The following METTL25B variants were observed in gnomAD, a reference collection of about 807,000 sequenced individuals.
METTL25B encodes methyltransferase-like protein 25B.
METTL25B carries 38 observed loss-of-function variants against 48.4 expected under a neutral mutation model. The observed-to-expected ratio is 0.78, with a 90% confidence interval of 0.61 to 1.03. The LOEUF (loss-of-function observed/expected upper bound fraction) is 1.03, where lower values mean the gene tolerates loss of function less well. Ranked by LOEUF, METTL25B falls within the 50% of genes least tolerant of loss-of-function variation. The pLI is 0.00. For missense variants in METTL25B, 537 were observed against 603.7 expected (o/e 0.89, Z 1.16); for synonymous variants, 230 against 254.5 (o/e 0.90, Z 0.92).
chr1:156,736,332 C>T, intron 7 of METTL25B: 1 of 309,710 alleles, frequency 3.2e-6, no homozygotes, highest in Admixed American at 4.6e-5. Context: ...TGCACTCCAG[C>T]CTGGGCAACA....
intron 2 of METTL25B, 43 bp from the exon 3 acceptor site, chr1:156,732,238 G>A (rs1041980219): frequency 3.1e-6 from 5 of 1,610,760 alleles, no homozygotes; most frequent in Non-Finnish European, 4.2e-6. Context: ...GCACTCAGAT[G>A]TGATGGGACT....
Position 156,729,073 on chromosome 1 carries a change from C to A in METTL25B, c.-32C>A. 1 of 1,373,774 alleles carries A rather than the reference C, an allele frequency of 7.3e-7. No homozygotes were observed. Among genetic ancestry groups the A allele is most frequent in the Non-Finnish European group, 1.0e-6 (1 of 976,346 alleles). 85.1% of individuals were successfully genotyped at this position (1,373,774 alleles called of 1,614,324 possible). ...ACCCTGGATCCCTGTTCACTGCGTT[C>A]TCGCTCCCCGCGCTCCCTGCTGGAC... On this transcript the variant is annotated 5_prime_UTR_variant, in exon 1 of 8. Transcript: ENST00000368216.
intron 6 of METTL25B, 82 bp from the exon 7 acceptor site, chr1:156,735,643 T>C (rs751262957): frequency 6.1e-6 from 7 of 1,148,280 alleles, no homozygotes; most frequent in Non-Finnish European, 6.8e-6. Flanking sequence ...AAGTTGGAAC[T>C]GAATTAGGAA....
rs745483555 is a variant in METTL25B, at chr1:156,732,444, A to C, written c.400A>C (p.Lys134Gln). 6.2e-7 allele frequency: 1 copy of C among 1,614,070 alleles called. No individual in the cohort carries two copies. The highest frequency in any genetic ancestry group is 8.5e-7 in the Non-Finnish European group (1 of 1,180,028). The change falls in exon 3 of 8, where the codon AAG (lysine) becomes CAG (glutamine). Residue 134 changes from lysine (K) to glutamine (Q), a missense_variant. Lys to Gln is a moderately conservative substitution (Grantham distance 53). Transcript: ENST00000368216. ...ATTCCGGAAACATGTCAGGCCCAAG[A>C]AGCAGCATGAGATCCGGAGGCTGGG... is the stretch of plus-strand genomic sequence containing the variant. ...APFRKHVRPK[K>Q]QHEIRRLGEL...
rs1286377226 is a variant in METTL25B, at chr1:156,728,886, C to T, written c.-219C>T. The T allele has an allele frequency of 6.4e-6, 4 of 625,522 alleles. No individual in the cohort carries two copies. The highest frequency in any genetic ancestry group is 1.0e-5 in the Non-Finnish European group (4 of 400,844). 38.7% of individuals were successfully genotyped at this position (625,522 alleles called of 1,614,324 possible). ...TACGTGTCTCTGACGCTGACACCTT[C>T]TCACTGTGAAACGTCGCGACCTGTG... On this transcript the variant is annotated 5_prime_UTR_variant, in exon 1 of 8. Coordinates refer to ENST00000368216, the MANE Select transcript of METTL25B (RefSeq NM_015997.4).
intron 1 of METTL25B, among the ~76,000 whole-genome samples, chr1:156,731,686 C>T (rs1407092240): frequency 6.6e-6 from 1 of 152,204 alleles, no homozygotes; most frequent in African/African-American, 2.4e-5. Context: ...CCATCCCTCC[C>T]CTTAAGAAAT....
At chr1:156,732,243 G>T (rs1372855682) in intron 2 of METTL25B, 38 bp from the exon 3 acceptor site, 2 of 1,610,928 alleles carry the variant, frequency 1.2e-6, no homozygotes, top group African/African-American at 1.3e-5. Flanking sequence ...CAGATGTGAT[G>T]GGACTATTCA....
rs1649731223 is a variant in METTL25B, at chr1:156,735,775, T to A, written c.1172T>A (p.Leu391Gln). 6.2e-7 allele frequency: 1 copy of A among 1,611,974 alleles called. No homozygotes were observed. Among genetic ancestry groups the A allele is most frequent in the South Asian group, 1.1e-5 (1 of 90,974 alleles). The change falls in exon 7 of 8, where the codon CTG (leucine) becomes CAG (glutamine). Residue 391 changes from leucine (L) to glutamine (Q), a missense_variant. Leu to Gln is a moderately radical substitution (Grantham distance 113). Coordinates refer to ENST00000368216, the MANE Select transcript of METTL25B (RefSeq NM_015997.4). ...GTGGGGCTAGATCCCCAGCTGCCACTGAATCTGGCTGCCCTTCAGGCCCAC... is the reference window on the plus strand; with the variant it reads ...GTGGGGCTAGATCCCCAGCTGCCACAGAATCTGGCTGCCCTTCAGGCCCAC... ...QRVGLDPQLP[L>Q]NLAALQAHVA...
intron 1 of METTL25B, among the ~76,000 whole-genome samples, chr1:156,730,147 C>T (rs2102642183): frequency 6.6e-6 from 1 of 152,322 alleles, no homozygotes; most frequent in East Asian, 1.9e-4. Flanking sequence ...TGATAGCATT[C>T]AAATGTAAAT....
chr1:156,731,059 CTCCAT>C (rs1649248477), intron 1 of METTL25B, among the ~76,000 whole-genome samples: 1 of 152,216 alleles, frequency 6.6e-6, no homozygotes, highest in Admixed American at 6.5e-5. Flanking sequence ...TGCCCAAACT[CTCCAT>C]TACATTACTG....
rs1468997072 is a variant in METTL25B, at chr1:156,732,451, A to G, written c.407A>G (p.His136Arg). Residue 136 changes from histidine (H) to arginine (R), a missense_variant, in exon 3 of 8, where the codon CAT (histidine) becomes CGT (arginine). His to Arg is a conservative substitution (Grantham distance 29). Coordinates refer to ENST00000368216, the MANE Select transcript of METTL25B (RefSeq NM_015997.4). ...FRKHVRPKKQ[H>R]EIRRLGELVK... ...AAACATGTCAGGCCCAAGAAGCAGC[A>G]TGAGATCCGGAGGCTGGGAGAGGTG... 6.2e-7 allele frequency: 1 copy of G among 1,613,994 alleles called. No individual in the cohort carries two copies. Among genetic ancestry groups the G allele is most frequent in the South Asian group, 1.1e-5 (1 of 91,088 alleles).
At chr1:156,736,501 G>A in intron 7 of METTL25B, 131 bp from the exon 8 acceptor site, 1 of 1,032,810 alleles carries the variant, frequency 9.7e-7, no homozygotes, top group Non-Finnish European at 1.4e-6. Context: ...GTTCCTTATG[G>A]AGAACGGGGT....
At position 156,729,225 on chromosome 1, in the gene METTL25B, C is replaced by T. The variant is rs1490639441; in HGVS notation, c.111+10C>T. The T allele has an allele frequency of 6.4e-7, 1 of 1,556,622 alleles. No homozygotes were observed. The highest frequency in any genetic ancestry group is 8.8e-7 in the Non-Finnish European group (1 of 1,130,684). Reference sequence around the variant, plus strand: ...GGATGCCTACATCATCGTGAGGCCACAGGGGCGTGGGTGGGATGTCTCTGG... The same window carrying T: ...GGATGCCTACATCATCGTGAGGCCATAGGGGCGTGGGTGGGATGTCTCTGG... On this transcript the variant is annotated intron_variant, in intron 1 of 7. Coordinates refer to ENST00000368216, the MANE Select transcript of METTL25B (RefSeq NM_015997.4).
At chr1:156,730,793 T>C (rs947796946) in intron 1 of METTL25B, among the ~76,000 whole-genome samples, 2 of 152,212 alleles carry the variant, frequency 1.3e-5, no homozygotes, top group Non-Finnish European at 2.9e-5. Flanking sequence ...GGCAAGTTAC[T>C]TAAGTGCTGT....
In METTL25B at chr1:156,735,904, A is replaced by G; in HGVS notation, c.1301A>G (p.Glu434Gly). The G allele has an allele frequency of 6.2e-7, 1 of 1,610,634 alleles. No individual in the cohort carries two copies. The highest frequency in any genetic ancestry group is 8.5e-7 in the Non-Finnish European group (1 of 1,178,042). The change falls in exon 7 of 8, where the codon GAA becomes GGA. Residue 434 changes from glutamate to glycine, a missense_variant. Physicochemically the swap from Glu to Gly is moderately conservative, Grantham distance 98. Coordinates refer to ENST00000368216, the MANE Select transcript of METTL25B (RefSeq NM_015997.4). Reference sequence around the variant, plus strand: ...CTGGACCGGCTGCTGTACCTTCAGGAACAGGGTGAGGGTGGCCTACAGCAG... The same window carrying G: ...CTGGACCGGCTGCTGTACCTTCAGGGACAGGGTGAGGGTGGCCTACAGCAG... ...ILLDRLLYLQEQGFHAELLPI... is the reference protein window; with the variant it reads ...ILLDRLLYLQGQGFHAELLPI...
rs1033116962 is a variant in METTL25B, at chr1:156,728,793, G to C, written c.-312G>C. On this transcript the variant is annotated 5_prime_UTR_variant, in exon 1 of 8. Transcript: ENST00000368216. ...CGGCAAGGGGCGGGAACTGGAACTT[G>C]GCCCGCCTCGTTGTGAGCTGAGCTC... 4.9e-6 allele frequency: 5 copies of C among 1,022,754 alleles called. No individual in the cohort carries two copies. The highest frequency in any genetic ancestry group is 5.4e-5 in the Admixed American group (1 of 18,686). 63.4% of individuals were successfully genotyped at this position (1,022,754 alleles called of 1,614,324 possible). A position where few individuals can be genotyped will look rare whatever the true frequency, so the allele number is the denominator to read the frequency against.
At chr1:156,729,278 A>G in intron 1 of METTL25B, 63 bp downstream of exon 1, 1 of 921,290 alleles carries the variant, frequency 1.1e-6, no homozygotes, top group Non-Finnish European at 1.8e-6. Flanking sequence ...TGCCCACGTC[A>G]GGGAGAGAAT....
At chr1:156,732,833 C>T in intron 3 of METTL25B, 152 bp from the exon 4 acceptor site, 1 of 682,160 alleles carries the variant, frequency 1.5e-6, no homozygotes, top group Non-Finnish European at 2.5e-6. Flanking sequence ...CACCCTCACC[C>T]TTATATCTTT....
Position 156,733,040 on chromosome 1 carries a change from C to T in METTL25B, c.485C>T (p.Ser162Leu), listed in dbSNP as rs1474316888. ...TGCTQVVDVG[S>L]GQGHLSRFMA... ...TGCACCCAGGTTGTAGACGTGGGCT[C>T]AGGCCAGGTGAGCCAGAGTCTTGAT... The change falls in exon 4 of 8, where the codon TCA (serine) becomes TTA (leucine). Residue 162 changes from serine to leucine, a missense_variant. By Grantham distance (145) the Ser-to-Leu change is moderately radical (BLOSUM62 -2). Transcript: ENST00000368216. 1 of 1,614,038 alleles carries T rather than the reference C, an allele frequency of 6.2e-7. No homozygotes were observed. Among genetic ancestry groups the T allele is most frequent in the East Asian group, 2.2e-5 (1 of 44,878 alleles).
Sources: gnomAD v4.1 joint callset for allele counts (sites outside exome capture counted in the v4.1 genomes callset) on GRCh38, gnomAD v4.1.1 for gene constraint, MANE v1.5 for transcripts, NCBI Gene and HGNC (gene_info 2026-07-23, HGNC 2026-07-21) for gene names.